The following PITPNM3 variants were observed in gnomAD, a reference collection of about 807,000 sequenced individuals.
PITPNM3 encodes membrane-associated phosphatidylinositol transfer protein 3.
Under a neutral mutation model 102.0 loss-of-function variants are expected in PITPNM3, and 26 were observed. The observed-to-expected ratio is 0.25, with a 90% CI of 0.19 to 0.35. PITPNM3 has a LOEUF of 0.35. Ranked by LOEUF, PITPNM3 falls within the 10% of genes least tolerant of loss-of-function variation. The probability of loss-of-function intolerance (pLI) is 1.00; values close to 1 mark genes in which losing one functional copy is unlikely to be tolerated. For missense variants in PITPNM3, 1,083 were observed against 1,346.1 expected, an observed-to-expected ratio of 0.80 and a Z score of 3.06; for synonymous variants, 578 against 558.6, an observed-to-expected ratio of 1.03 and a Z score of -0.49.
At chr17:6,471,570 G>A (rs958108146) in intron 11 of PITPNM3, among the ~76,000 whole-genome samples, 3 of 152,206 alleles carry the variant, frequency 2.0e-5, no homozygotes, top group Non-Finnish European at 2.9e-5. Context: ...GCATATTGCC[G>A]CATTTACCTC....
At chr17:6,518,307 T>C (rs1225594875) in intron 3 of PITPNM3, among the ~76,000 whole-genome samples, 4 of 152,154 alleles carry the variant, frequency 2.6e-5, no homozygotes, top group African/African-American at 7.2e-5. Flanking sequence ...CCAAACCCTG[T>C]GGAATGTGTC....
At chr17:6,476,875 CT>C (rs1443561543) in intron 9 of PITPNM3, among the ~76,000 whole-genome samples, 153 bp downstream of exon 9, 1 of 152,222 alleles carries the variant, frequency 6.6e-6, no homozygotes, top group Non-Finnish European at 1.5e-5. Flanking sequence ...GCTGTGGTCC[CT>C]CAGTACAGGG....
At chr17:6,502,002 C>G (rs747470887) in intron 4 of PITPNM3, among the ~76,000 whole-genome samples, 1 of 152,226 alleles carries the variant, frequency 6.6e-6, no homozygotes, top group Non-Finnish European at 1.5e-5. Context: ...TACGAGTGCT[C>G]AGGAAAGAGA....
At position 6,470,573 on chromosome 17, in the gene PITPNM3, T is replaced by C. The variant is rs1905021957; in HGVS notation, c.1625-165A>G. ...GGAGGCCTGGGGAACGCGCTGCTCT[T>C]CCTCCTTCCTTCTCAAAACCCACCA... On this transcript the variant is annotated intron_variant, in intron 12 of 19. Coordinates refer to ENST00000262483, the MANE Select transcript of PITPNM3 (RefSeq NM_031220.4). The surrounding 1 kb of genome is among the most constrained non-coding windows in gnomAD (Gnocchi z 4.8). Among the ~76,000 whole-genome samples the C allele has an allele frequency of 2.0e-5, 3 of 152,050 alleles. No individual in the cohort carries two copies. The highest frequency in any genetic ancestry group is 4.4e-5 in the Non-Finnish European group (3 of 67,964).
chr17:6,532,226 T>C (rs1232279258), intron 2 of PITPNM3, among the ~76,000 whole-genome samples: 1 of 151,960 alleles, frequency 6.6e-6, no homozygotes, highest in Non-Finnish European at 1.5e-5. Flanking sequence ...ATTACTCAGC[T>C]CTCAGCTCAG....
Position 6,471,328 on chromosome 17 carries a change from A to G in PITPNM3, c.1457T>C (p.Leu486Pro), listed in dbSNP as rs1430059107. The change falls in exon 12 of 20, where the codon CTC becomes CCC. Residue 486 changes from leucine (L) to proline (P), a missense_variant. Leu to Pro is a moderately conservative substitution (Grantham distance 98, BLOSUM62 -3). Around this residue, in one of 5 missense-constraint regions of PITPNM3, gnomAD observed 410 missense variants for 638.4 expected, o/e 0.64. Transcript: ENST00000262483. The part of the protein sequence containing the change: ...LADALHTHSP[L>P]FLEGSSRDSP... The stretch of plus-strand genomic sequence containing the variant: ...GTCCCGGGAGCTGCCCTCCAGGAAG[A>G]GGGGGCTGTGGGTGTGTAGGGCATC... 6.2e-7 allele frequency: 1 copy of G among 1,606,440 alleles called. No homozygotes were observed. The highest frequency in any genetic ancestry group is 1.1e-5 in the South Asian group (1 of 90,478).
intron 2 of PITPNM3, among the ~76,000 whole-genome samples, 199 bp from the exon 3 acceptor site, chr17:6,525,662 C>T (rs1246138574): frequency 6.6e-6 from 1 of 152,182 alleles, no homozygotes; most frequent in Non-Finnish European, 1.5e-5. Context: ...TACTGTTGTA[C>T]CCTACTGGGC....
At chr17:6,540,494 A>G (rs1909672184) in intron 1 of PITPNM3, among the ~76,000 whole-genome samples, 1 of 152,200 alleles carries the variant, frequency 6.6e-6, no homozygotes, top group Non-Finnish European at 1.5e-5. Flanking sequence ...TCAGACATCA[A>G]AAGAACTTTG....
At position 6,537,256 on chromosome 17, in the gene PITPNM3, CTT is replaced by C. The variant is rs201959934; in HGVS notation, c.118+729_118+730del. On this transcript the variant is annotated intron_variant, in intron 2 of 19. Transcript: ENST00000262483. This position sits in a 1 kb window ranked among gnomAD's most constrained non-coding sequence, Gnocchi z 4.4. The stretch of plus-strand genomic sequence containing the variant: ...TATGAGGCTCATTTATTTTTTCTTT[CTT>C]TTTTTTTTTTTTTTTTCTGAGACAG... 7.9e-4 allele frequency among the ~76,000 whole-genome samples: 101 copies of C among 128,244 alleles called. No homozygotes were observed. The highest frequency in any genetic ancestry group is 2.9e-3 in the African/African-American group (91 of 31,772). The allele number at this position is 128,244 out of a possible 152,430, so 84.1% of individuals were successfully genotyped here. A position where few individuals can be genotyped will look rare whatever the true frequency, so the allele number is the denominator to read the frequency against.
At chr17:6,476,956 C>T in intron 9 of PITPNM3, 73 bp downstream of exon 9, 3 of 1,548,190 alleles carry the variant, frequency 1.9e-6, no homozygotes, top group Non-Finnish European at 2.7e-6. Context: ...GGGCCTGGGA[C>T]ATCTGACTGG....
intron 3 of PITPNM3, among the ~76,000 whole-genome samples, chr17:6,505,742 C>T (rs1907465295): frequency 6.6e-6 from 1 of 152,218 alleles, no homozygotes; most frequent in South Asian, 2.1e-4. Flanking sequence ...AAAACGCCTT[C>T]TATGGGCCAA....
intron 2 of PITPNM3, among the ~76,000 whole-genome samples, chr17:6,532,724 G>A (rs1266022074): frequency 2.0e-5 from 3 of 152,030 alleles, no homozygotes; most frequent in Admixed American, 6.6e-5. Context: ...TCATTTGGGC[G>A]TTTTCAGTGT....
At chr17:6,546,143 G>T (rs924001382) in intron 1 of PITPNM3, among the ~76,000 whole-genome samples, 2 of 152,206 alleles carry the variant, frequency 1.3e-5, no homozygotes, top group African/African-American at 4.8e-5. Flanking sequence ...CCAGAAAAAG[G>T]CATTATTGAA....
intron 9 of PITPNM3, 126 bp from the exon 10 acceptor site, chr17:6,474,730 G>T: frequency 3.4e-6 from 4 of 1,186,054 alleles, no homozygotes; most frequent in Non-Finnish European, 4.7e-6. Context: ...CTGGGGCGGG[G>T]CTGAGAGTCC....
At position 6,455,263 on chromosome 17, in the gene PITPNM3, G is replaced by A. The variant is rs1914035447; in HGVS notation, c.*75C>T. On this transcript the variant is annotated 3_prime_UTR_variant, in exon 20 of 20. Transcript: ENST00000262483. The stretch of plus-strand genomic sequence containing the variant: ...AGCAGGAAAACGCCTGTGTCGGGGA[G>A]AGGGCAGCCCCCTCCCGTCCCCGCA... 2 of 1,483,150 alleles carry A rather than the reference G, an allele frequency of 1.3e-6. No individual in the cohort carries two copies. Among genetic ancestry groups the A allele is most frequent in the Admixed American group, 4.4e-5 (2 of 45,832 alleles). The allele number at this position is 1,483,150 out of a possible 1,614,324, so 91.9% of individuals were successfully genotyped here. A position where few individuals can be genotyped will look rare whatever the true frequency, so the allele number is the denominator to read the frequency against.
At chr17:6,536,257 T>A (rs1909423664) in intron 2 of PITPNM3, among the ~76,000 whole-genome samples, 1 of 152,084 alleles carries the variant, frequency 6.6e-6, no homozygotes, top group Admixed American at 6.5e-5. Flanking sequence ...GCAGCTGCTC[T>A]CAGGGACGGC....
intron 18 of PITPNM3, chr17:6,461,036 C>T: frequency 2.6e-6 from 1 of 386,832 alleles, no homozygotes; most frequent in South Asian, 2.3e-5. Flanking sequence ...CTGTTTGTCT[C>T]TGTGCAGCCC....
At chr17:6,500,105 C>T (rs567666543) in intron 4 of PITPNM3, among the ~76,000 whole-genome samples, 1 of 152,300 alleles carries the variant, frequency 6.6e-6, no homozygotes, top group East Asian at 1.9e-4. Context: ...CAAAATGTCA[C>T]AGCTACTAGA....
rs117547118 is a variant in PITPNM3, at chr17:6,476,659, G to A, written c.1085+370C>T. ...GAGAAATGATAACAACACACACCTC[G>A]GGTGACTCACAAAACACAGTCACAG... On this transcript the variant is annotated intron_variant, in intron 9 of 19. Coordinates refer to ENST00000262483, the MANE Select transcript of PITPNM3 (RefSeq NM_031220.4). 2.1e-4 allele frequency among the ~76,000 whole-genome samples: 32 copies of A among 152,228 alleles called. No individual in the cohort carries two copies. The South Asian group carries it at 5.8e-3, about 28-fold the overall frequency.
Sources: gnomAD v4.1 joint callset for allele counts (sites outside exome capture counted in the v4.1 genomes callset) on GRCh38, gnomAD v4.1.1 for gene constraint, gnomAD v4.1.1 regional missense constraint, Gnocchi (gnomAD v3.1) non-coding constraint, MANE v1.5 for transcripts, NCBI Gene and HGNC (gene_info 2026-07-23, HGNC 2026-07-21) for gene names.